The following CACNA2D1 variants were observed in gnomAD, a reference collection of about 807,000 sequenced individuals.
The protein encoded by CACNA2D1 is calcium voltage-gated channel auxiliary subunit alpha2delta 1.
CACNA2D1 carries 53 observed loss-of-function variants against 171.5 expected under a neutral mutation model. The ratio of observed to expected loss-of-function variants is 0.31; its 90% CI spans 0.25 to 0.39. The LOEUF is 0.39. Among genes scored for constraint, CACNA2D1 ranks in the 10% least tolerant of loss-of-function variants. The pLI, the probability that CACNA2D1 is intolerant of heterozygous loss-of-function variation, is 1.00. For synonymous variants in CACNA2D1, 442 were observed against 443.1 expected (o/e 1.00, Z 0.03); for missense variants, 903 against 1,299.8 (o/e 0.69, Z 4.69).
intron 3 of CACNA2D1, among the ~76,000 whole-genome samples, chr7:82,194,236 C>T (rs571194827): frequency 6.6e-6 from 1 of 152,100 alleles, no homozygotes; most frequent in South Asian, 2.1e-4. Context: ...AAGCAACCTC[C>T]AGTTGGTAGT....
intron 9 of CACNA2D1, 66 bp downstream of exon 9, chr7:82,064,238 T>C: frequency 1.8e-6 from 2 of 1,100,084 alleles, no homozygotes; most frequent in Non-Finnish European, 2.8e-6. Context: ...AGTCCCACCA[T>C]ACTACTGTTA....
chr7:82,050,911 A>C (rs1805122007), intron 10 of CACNA2D1: 1 of 363,340 alleles, frequency 2.8e-6, no homozygotes, highest in African/African-American at 2.1e-5. Context: ...TCATAAAACT[A>C]GTAGTTTCCA....
intron 10 of CACNA2D1, among the ~76,000 whole-genome samples, chr7:82,056,025 A>AAAAT (rs1554378074): frequency 1.9e-4 from 28 of 144,534 alleles, no homozygotes; most frequent in Non-Finnish European, 4.0e-4. Context: ...AAAAAAAAAA[A>AAAAT]AAAAAAGGCC....
At chr7:82,296,539 A>G (rs1024052029) in intron 3 of CACNA2D1, among the ~76,000 whole-genome samples, 2 of 152,172 alleles carry the variant, frequency 1.3e-5, no homozygotes, top group South Asian at 2.1e-4. Context: ...TTAATTGCAC[A>G]TTTTATTTAA....
At chr7:82,221,206 CAT>C (rs200181333) in intron 3 of CACNA2D1, among the ~76,000 whole-genome samples, 2 of 149,492 alleles carry the variant, frequency 1.3e-5, no homozygotes, top group Non-Finnish European at 3.0e-5. Flanking sequence ...ATTCTACACA[CAT>C]GCATGATTTG....
chr7:81,974,671 G>A (rs1047777467), intron 24 of CACNA2D1, 119 bp from the exon 25 acceptor site: 1 of 614,990 alleles, frequency 1.6e-6, no homozygotes, highest in Non-Finnish European at 2.9e-6. Context: ...AAACTATTGA[G>A]CTTCTTGTTA....
chr7:82,419,272 T>C (rs1828486837), intron 1 of CACNA2D1, among the ~76,000 whole-genome samples: 1 of 152,186 alleles, frequency 6.6e-6, no homozygotes, highest in African/African-American at 2.4e-5. Flanking sequence ...TTCATTAGTT[T>C]ACTATGCAGC....
chr7:82,238,976 A>G (rs1234081202), intron 3 of CACNA2D1, among the ~76,000 whole-genome samples: 2 of 152,086 alleles, frequency 1.3e-5, no homozygotes, highest in African/African-American at 4.8e-5. Context: ...TGAAAATAAA[A>G]TCATTGAGTA....
At chr7:82,085,448 A>G (rs1031506234) in intron 6 of CACNA2D1, among the ~76,000 whole-genome samples, 2 of 152,012 alleles carry the variant, frequency 1.3e-5, no homozygotes, top group African/African-American at 4.8e-5. Flanking sequence ...ACCTTAGGAC[A>G]GAGTTTTAAG....
intron 3 of CACNA2D1, among the ~76,000 whole-genome samples, chr7:82,281,536 T>C (rs533761187): frequency 6.6e-6 from 1 of 152,220 alleles, no homozygotes; most frequent in Non-Finnish European, 1.5e-5. Flanking sequence ...GAGTTTCACA[T>C]AGATTAAAAA....
chr7:82,253,972 A>G (rs114915965), intron 3 of CACNA2D1, among the ~76,000 whole-genome samples: 57 of 152,276 alleles, frequency 3.7e-4, no homozygotes, highest in African/African-American at 1.3e-3. Context: ...TTCTATTCCA[A>G]CTTAAAAACA....
intron 3 of CACNA2D1, among the ~76,000 whole-genome samples, chr7:82,218,086 C>G (rs1385573029): frequency 6.6e-6 from 1 of 151,910 alleles, no homozygotes; most frequent in South Asian, 2.1e-4. Context: ...AGGCACCCAC[C>G]ACCACGCCCG....
At chr7:82,104,908 A>T (rs1787555406) in intron 6 of CACNA2D1, among the ~76,000 whole-genome samples, 2 of 152,208 alleles carry the variant, frequency 1.3e-5, no homozygotes, top group South Asian at 4.1e-4. Flanking sequence ...ACTGCCTTTC[A>T]ATTATACCAT....
chr7:82,214,831 A>C (rs1444844375), intron 3 of CACNA2D1, among the ~76,000 whole-genome samples: 1 of 152,198 alleles, frequency 6.6e-6, no homozygotes, highest in Non-Finnish European at 1.5e-5. Context: ...ACCTCCAAAA[A>C]GTTAAACTAT....
chr7:82,258,817 C>CTTTTTTTTT (rs201927487), intron 3 of CACNA2D1, among the ~76,000 whole-genome samples: 838 of 72,490 alleles, frequency 0.012, 129 homozygotes, highest in African/African-American at 0.02. Context: ...TCTTACTTTT[C>CTTTTTTTTT]TTTTTTTTTT....
chr7:81,951,470 G>A (rs1381550934), intron 38 of CACNA2D1, among the ~76,000 whole-genome samples: 12 of 151,938 alleles, frequency 7.9e-5, no homozygotes, highest in African/African-American at 2.4e-4. Flanking sequence ...ACAATGCACC[G>A]AATGTATGTA....
chr7:82,344,518 A>C (rs1176865576), intron 2 of CACNA2D1, among the ~76,000 whole-genome samples: 1 of 152,188 alleles, frequency 6.6e-6, no homozygotes, highest in African/African-American at 2.4e-5. Flanking sequence ...AGTCACCCTA[A>C]AATTAGAAAT....
rs969844736 is a variant in CACNA2D1, at chr7:82,375,530, C to T, written c.96-25881G>A. Among the ~76,000 whole-genome samples the T allele has an allele frequency of 4.6e-5, 7 of 152,276 alleles. No homozygotes were observed. The East Asian group carries it at 1.4e-3, about 29-fold the overall frequency. ...AATGTTCCCAGTTGGTTACCCCAGC[C>T]CCATGGCGCCTCTTTTCTCCTATTT... On this transcript the variant is annotated intron_variant, in intron 1 of 38. Coordinates refer to ENST00000356860, the MANE Select transcript of CACNA2D1 (RefSeq NM_000722.4).
At chr7:81,954,633 A>T (rs1037042810) in intron 38 of CACNA2D1, among the ~76,000 whole-genome samples, 8 of 152,140 alleles carry the variant, frequency 5.3e-5, no homozygotes, top group Admixed American at 5.2e-4. Context: ...TTAAATTTAG[A>T]AGTACATGTT....
Sources: gnomAD v4.1 joint callset for allele counts (sites outside exome capture counted in the v4.1 genomes callset) on GRCh38, gnomAD v4.1.1 for gene constraint, MANE v1.5 for transcripts, NCBI Gene and HGNC (gene_info 2026-07-23, HGNC 2026-07-21) for gene names.